SLC34A1: variants seen among roughly 807,000 people sequenced by gnomAD.
SLC34A1 encodes the protein solute carrier family 34 member 1.
In SLC34A1, 57 loss-of-function variants were observed where a neutral mutation model predicts 51.4. The ratio of observed to expected loss-of-function variants is 1.11; its 90% CI spans 0.90 to 1.38. The LOEUF is 1.38. Among genes scored for constraint, SLC34A1 ranks in the 40% most tolerant of loss-of-function variants. The probability of loss-of-function intolerance (pLI) is 0.00; values close to 1 mark genes in which losing one functional copy is unlikely to be tolerated. For missense variants in SLC34A1, 796 were observed against 835.6 expected (o/e 0.95, Z 0.58); for synonymous variants, 368 against 358.0 (o/e 1.03, Z -0.32).
chr5:177,393,962 G>A (rs1165987445), intron 9 of SLC34A1, 66 bp from the exon 10 acceptor site: 1 of 1,601,000 alleles, frequency 6.2e-7, no homozygotes, highest in African/African-American at 1.3e-5. Context: ...AGCCCAACTG[G>A]GTGGCAAAGG....
At chr5:177,387,469 C>T (rs1197150392) in intron 5 of SLC34A1, among the ~76,000 whole-genome samples, 1 of 152,246 alleles carries the variant, frequency 6.6e-6, no homozygotes, top group African/African-American at 2.4e-5. Flanking sequence ...TCTCTATTTG[C>T]ACATAGGACA....
At chr5:177,385,122 C>T (rs942579801) in intron 1 of SLC34A1, among the ~76,000 whole-genome samples, 3 of 152,120 alleles carry the variant, frequency 2.0e-5, no homozygotes, top group Non-Finnish European at 4.4e-5. Context: ...ACTCGGGATC[C>T]GGCCCAGGGG....
In SLC34A1 at chr5:177,389,610, G is replaced by C. The variant is rs573059757; in HGVS notation, c.936+1238G>C. Reference sequence around the variant, plus strand: ...TCTCTGAGCACTCTTAGTGCTCTCTGACTCACCACAAGCCTCTCTACTTCA... The same window carrying C: ...TCTCTGAGCACTCTTAGTGCTCTCTCACTCACCACAAGCCTCTCTACTTCA... On this transcript the variant is annotated intron_variant, in intron 8 of 12. Coordinates refer to ENST00000324417, the MANE Select transcript of SLC34A1 (RefSeq NM_003052.5). 124 of 1,537,098 alleles carry C rather than the reference G, an allele frequency of 8.1e-5. No individual in the cohort carries two copies. The South Asian group carries it at 1.4e-3, about 18-fold the overall frequency.
At chr5:177,389,890 C>G in intron 8 of SLC34A1, 1 of 1,439,992 alleles carries the variant, frequency 6.9e-7, no homozygotes, top group East Asian at 2.5e-5. Flanking sequence ...CTTCCTCACT[C>G]TACCAGGAAA....
intron 10 of SLC34A1, among the ~76,000 whole-genome samples, chr5:177,395,546 G>A (rs946025395): frequency 1.3e-5 from 2 of 152,188 alleles, no homozygotes; most frequent in Non-Finnish European, 2.9e-5. Flanking sequence ...GGGTCTCCAG[G>A]CTCTGCTCAG....
At position 177,396,905 on chromosome 5, in the gene SLC34A1, C is replaced by T. The variant is rs1024577938; in HGVS notation, c.1292-45C>T. On this transcript the variant is annotated intron_variant, in intron 11 of 12. Transcript: ENST00000324417. The surrounding 1 kb of genome is among the most constrained non-coding windows in gnomAD (Gnocchi z 4.0). ...GGGCCAGGGCTGGCAGGGAAAGGGC[C>T]GAAGGAGACGCTGGGGGTCCCACTT... is the stretch of plus-strand genomic sequence containing the variant. 2.1e-5 allele frequency: 34 copies of T among 1,614,012 alleles called. No homozygotes were observed. The highest frequency in any genetic ancestry group is 5.3e-5 in the African/African-American group (4 of 74,940).
chr5:177,398,149 C>T lies in SLC34A1; in HGVS notation c.1783C>T (p.Arg595Cys), dbSNP rs145661415. Residue 595 changes from arginine to cysteine, a missense_variant, in exon 13 of 13, where the codon CGC becomes TGC. Arg to Cys is a radical substitution (Grantham distance 180). Transcript: ENST00000324417. The surrounding 1 kb of genome is among the most constrained non-coding windows in gnomAD (Gnocchi z 4.7). ...GAAGCCCCTGGACCACCTCATCACC[C>T]GCGCCACCCTATGCTGTGCCAGGCC... is the stretch of plus-strand genomic sequence containing the variant. Reference protein sequence around the residue: ...SLKPLDHLITRATLCCARPEP... With the variant: ...SLKPLDHLITCATLCCARPEP... The T allele has an allele frequency of 2.0e-5, 32 of 1,611,256 alleles. No homozygotes were observed. Among genetic ancestry groups the T allele is most frequent in the Middle Eastern group, 3.3e-4 (2 of 6,074 alleles).
Position 177,398,712 on chromosome 5 carries a change from A to C in SLC34A1, c.*426A>C. 1 of 208,700 alleles carries C rather than the reference A, an allele frequency of 4.8e-6. No individual in the cohort carries two copies. The highest frequency in any genetic ancestry group is 9.9e-6 in the Non-Finnish European group (1 of 101,032). 12.9% of individuals were successfully genotyped at this position (208,700 alleles called of 1,614,324 possible). ...GGTGCCTGCGTTACTGAATTTGCAC[A>C]CCTCCTTGCCACCTTCCTTCCTCCA... On this transcript the variant is annotated 3_prime_UTR_variant, in exon 13 of 13. Coordinates refer to ENST00000324417, the MANE Select transcript of SLC34A1 (RefSeq NM_003052.5). This position sits in a 1 kb window ranked among gnomAD's most constrained non-coding sequence, Gnocchi z 4.7.
At position 177,394,013 on chromosome 5, in the gene SLC34A1, C is replaced by G; in HGVS notation, c.1007-15C>G. On this transcript the variant is annotated splice_polypyrimidine_tract_variant and intron_variant, in intron 9 of 12. Coordinates refer to ENST00000324417, the MANE Select transcript of SLC34A1 (RefSeq NM_003052.5). ...CAGGTGTGGGGTCAGCTGTCAGGAG[C>G]TCCACCCCCTGCAGGCAACCACATC... 6.2e-7 allele frequency: 1 copy of G among 1,613,828 alleles called. No individual in the cohort carries two copies. The highest frequency in any genetic ancestry group is 8.5e-7 in the Non-Finnish European group (1 of 1,179,960).
At position 177,398,157 on chromosome 5, in the gene SLC34A1, C is replaced by A; in HGVS notation, c.1791C>A (p.Thr597=). The stretch of plus-strand genomic sequence containing the variant: ...TGGACCACCTCATCACCCGCGCCAC[C>A]CTATGCTGTGCCAGGCCTGAGCCCC... ...KPLDHLITRA[T]LCCARPEPRS... is the part of the protein sequence containing the mutation. The change falls in exon 13 of 13, where the codon ACC becomes ACA. Residue 597 remains threonine (T), a synonymous_variant. Coordinates refer to ENST00000324417, the MANE Select transcript of SLC34A1 (RefSeq NM_003052.5). The surrounding 1 kb of genome is among the most constrained non-coding windows in gnomAD (Gnocchi z 4.7). The A allele has an allele frequency of 6.2e-7, 1 of 1,613,028 alleles. No individual in the cohort carries two copies. Among genetic ancestry groups the A allele is most frequent in the Non-Finnish European group, 8.5e-7 (1 of 1,179,692 alleles).
chr5:177,387,728 G>A (rs374839727), intron 5 of SLC34A1, 34 bp from the exon 6 acceptor site: 33 of 1,575,336 alleles, frequency 2.1e-5, no homozygotes, highest in African/African-American at 1.8e-4. Flanking sequence ...CTGGGTGACC[G>A]TCAAATTCAT....
In SLC34A1 at chr5:177,388,074, G is replaced by A; in HGVS notation, c.725G>A (p.Gly242Asp). The A allele has an allele frequency of 6.2e-7, 1 of 1,614,094 alleles. No homozygotes were observed. ...CTGCTGCCCCTGGAGGCTGCCACTG[G>A]CTACCTGCACCACATCACTCGACTT... ...LVLLPLEAAT[G>D]YLHHITRLVV... Residue 242 changes from glycine (G) to aspartate (D), a missense_variant, in exon 7 of 13, where the codon GGC (glycine) becomes GAC (aspartate). By Grantham distance (94) the Gly-to-Asp change is moderately conservative. Transcript: ENST00000324417. This position sits in a 1 kb window ranked among gnomAD's most constrained non-coding sequence, Gnocchi z 4.3.
chr5:177,392,010 C>T (rs1320972750), intron 8 of SLC34A1, among the ~76,000 whole-genome samples: 1 of 152,206 alleles, frequency 6.6e-6, no homozygotes, highest in Non-Finnish European at 1.5e-5. Flanking sequence ...CCATCGCAGC[C>T]TATTTTTTCC....
At position 177,397,025 on chromosome 5, in the gene SLC34A1, T is replaced by A. The variant is rs913836149; in HGVS notation, c.1367T>A (p.Ile456Asn). The A allele has an allele frequency of 6.1e-5, 98 of 1,613,932 alleles. No homozygotes were observed. Among genetic ancestry groups the A allele is most frequent in the Non-Finnish European group, 8.2e-5 (97 of 1,180,022 alleles). ...GSNIGTTTTA[I>N]LAALASPREK... ...AACATCGGCACCACCACCACGGCCA[T>A]CCTGGCTGCCCTGGCCAGCCCCAGG... The change falls in exon 12 of 13, where the codon ATC (isoleucine) becomes AAC (asparagine). Residue 456 changes from isoleucine to asparagine, a missense_variant. By Grantham distance (149) the Ile-to-Asn change is moderately radical. Coordinates refer to ENST00000324417, the MANE Select transcript of SLC34A1 (RefSeq NM_003052.5).
At position 177,387,256 on chromosome 5, in the gene SLC34A1, G is replaced by A. The variant is rs146337032; in HGVS notation, c.533-506G>A. Among the ~76,000 whole-genome samples, 602 of 152,046 alleles carry A rather than the reference G, an allele frequency of 4.0e-3. 2 individuals are homozygous for A. Among genetic ancestry groups the A allele is most frequent in the Middle Eastern group, 0.017 (5 of 294 alleles). On this transcript the variant is annotated intron_variant, in intron 5 of 12. Coordinates refer to ENST00000324417, the MANE Select transcript of SLC34A1 (RefSeq NM_003052.5). Reference sequence around the variant, plus strand: ...AAAAACCAAAAAGCATTAGCCAGGCGTGGTGGCAGGTGTCTGCAGTCCCAG... The same window carrying A: ...AAAAACCAAAAAGCATTAGCCAGGCATGGTGGCAGGTGTCTGCAGTCCCAG...
chr5:177,394,855 G>C (rs370949312), intron 10 of SLC34A1, among the ~76,000 whole-genome samples: 1 of 151,760 alleles, frequency 6.6e-6, no homozygotes, highest in African/African-American at 2.4e-5. Context: ...CACAACACCC[G>C]GCTAATTTTT....
intron 10 of SLC34A1, among the ~76,000 whole-genome samples, chr5:177,395,039 G>A (rs891538552): frequency 6.6e-6 from 1 of 152,052 alleles, no homozygotes; most frequent in Admixed American, 6.6e-5. Context: ...TGGGCATGGT[G>A]GTGTGCTCCT....
In SLC34A1 at chr5:177,394,314, T is replaced by G. The variant is rs1035637323; in HGVS notation, c.1174+119T>G. ...CCATCTCTGAGACTCAGTTTCCCGA[T>G]GTGAACAAAGAAGGTGGTTTCTGAG... On this transcript the variant is annotated intron_variant, in intron 10 of 12. Coordinates refer to ENST00000324417, the MANE Select transcript of SLC34A1 (RefSeq NM_003052.5). The G allele has an allele frequency of 1.0e-5, 12 of 1,161,238 alleles. No individual in the cohort carries two copies. In the South Asian group the frequency reaches 1.2e-4, roughly 11 times the overall value. 71.9% of individuals were successfully genotyped at this position (1,161,238 alleles called of 1,614,324 possible).
At chr5:177,387,689 G>C (rs994585774) in intron 5 of SLC34A1, 73 bp from the exon 6 acceptor site, 1 of 1,253,394 alleles carries the variant, frequency 8.0e-7, no homozygotes, top group African/African-American at 1.5e-5. Flanking sequence ...TGGGTGGGGG[G>C]CCTGACAGGA....
Sources: allele counts gnomAD v4.1 joint callset (sites outside exome capture counted in the v4.1 genomes callset), GRCh38; gene constraint gnomAD v4.1.1; non-coding constraint Gnocchi (gnomAD v3.1); transcripts MANE v1.5; gene names NCBI Gene and HGNC (gene_info 2026-07-23, HGNC 2026-07-21).